Variants in URB1 observed in about 807,000 individuals in gnomAD.
URB1 encodes URB1 ribosome biogenesis factor.
In URB1, 197 loss-of-function variants were observed where a neutral mutation model predicts 242.3. That is an observed-to-expected ratio of 0.81 (90% CI 0.72 to 0.91). The LOEUF (loss-of-function observed/expected upper bound fraction) is 0.91, where lower values mean the gene tolerates loss of function less well. Among genes scored for constraint, URB1 ranks in the 40% least tolerant of loss-of-function variants. The pLI is 0.00. For synonymous variants in URB1, 1,153 were observed against 1,201.8 expected (o/e 0.96, Z 0.84); for missense variants, 2,721 against 2,860.5 (o/e 0.95, Z 1.11).
At chr21:32,386,629 G>A (rs190006675) in intron 1 of URB1, among the ~76,000 whole-genome samples, 2 of 152,142 alleles carry the variant, frequency 1.3e-5, no homozygotes, top group African/African-American at 2.4e-5. Flanking sequence ...GCAATGACTC[G>A]TCTGGATCCC....
intron 10 of URB1, among the ~76,000 whole-genome samples, chr21:32,365,467 T>A (rs570413892): frequency 3.2e-3 from 491 of 151,390 alleles, no homozygotes; most frequent in Non-Finnish European, 5.9e-3. Context: ...GAAAAAAAAA[T>A]TTTAATAAAA....
chr21:32,340,951 G>A (rs755627654), intron 25 of URB1, among the ~76,000 whole-genome samples: 1 of 151,908 alleles, frequency 6.6e-6, no homozygotes, highest in Non-Finnish European at 1.5e-5. Flanking sequence ...GTATCAGTAC[G>A]GGTAAATTAG....
At chr21:32,354,758 TGGCCTAG>T in intron 17 of URB1, 94 bp downstream of exon 17, 1 of 1,413,228 alleles carries the variant, frequency 7.1e-7, no homozygotes, top group Non-Finnish European at 9.4e-7. Context: ...TGTGTGCACT[TGGCCTAG>T]GGCATTAGTG....
chr21:32,389,739 C>A lies in URB1; in HGVS notation c.142+3030G>T, dbSNP rs117576968. Among the ~76,000 whole-genome samples the A allele has an allele frequency of 3.3e-3, 505 of 152,326 alleles. 2 individuals carry two copies. The highest frequency in any genetic ancestry group is 5.9e-3 in the Non-Finnish European group (403 of 68,030). ...AAGAGTTTAACCATTAGTGTACTCT[C>A]TTACAGTATGGCCTTTTCTCTATCA... On this transcript the variant is annotated intron_variant, in intron 1 of 38. Coordinates refer to ENST00000382751, the MANE Select transcript of URB1 (RefSeq NM_014825.3).
intron 27 of URB1, 31 bp downstream of exon 27, chr21:32,337,372 CT>C (rs773648119): frequency 2.5e-5 from 39 of 1,536,530 alleles, no homozygotes; most frequent in Non-Finnish European, 3.3e-5. Flanking sequence ...CTCCCTCCCC[CT>C]GCTCACACTA....
At position 32,327,852 on chromosome 21, in the gene URB1, G is replaced by A. The variant is rs75798049; in HGVS notation, c.4961-2463C>T. On this transcript the variant is annotated intron_variant, in intron 30 of 38. Coordinates refer to ENST00000382751, the MANE Select transcript of URB1 (RefSeq NM_014825.3). ...TGTACTATAAACCCTAAAGCAACCA[G>A]TAAAAATATGCATGCATGCACTCAT... Among the ~76,000 whole-genome samples the A allele has an allele frequency of 1.3e-3, 201 of 152,294 alleles. 1 individual carries two copies. In the East Asian group the frequency reaches 0.03, roughly 23 times the overall value.
At chr21:32,343,236 GTA>G (rs887846562) in intron 24 of URB1, among the ~76,000 whole-genome samples, 3 of 151,990 alleles carry the variant, frequency 2.0e-5, no homozygotes, top group African/African-American at 7.3e-5. Context: ...CTTGCAATGA[GTA>G]TGTCTTTTAG....
chr21:32,347,506 C>G lies in URB1; in HGVS notation c.3318G>C (p.Glu1106Asp), dbSNP rs758507870. 1 of 1,551,392 alleles carries G rather than the reference C, an allele frequency of 6.4e-7. No homozygotes were observed. The highest frequency in any genetic ancestry group is 2.0e-5 in the Admixed American group (1 of 50,966). Residue 1106 changes from glutamate (E) to aspartate (D), a missense_variant, in exon 22 of 39, where the codon GAG becomes GAC. Coordinates refer to ENST00000382751, the MANE Select transcript of URB1 (RefSeq NM_014825.3). The part of the protein sequence containing the change: ...TSPPKTPPQL[E>D]ALQELHPYME... Reference sequence around the variant, plus strand: ...TGTATGGATGCAGCTCCTGCAGGGCCTCCAGCTGCGGCGGGGTCTTTGGTG... The same window carrying G: ...TGTATGGATGCAGCTCCTGCAGGGCGTCCAGCTGCGGCGGGGTCTTTGGTG...
At position 32,314,984 on chromosome 21, in the gene URB1, C is replaced by T. The variant is rs894613595; in HGVS notation, c.6750G>A (p.Pro2250=). Residue 2250 remains proline (P), a synonymous_variant, in exon 39 of 39, where the codon CCG becomes CCA. Transcript: ENST00000382751. ...RMVCEAADDA[P]SSEEEAIVVL... is the part of the protein sequence containing the mutation. ...CCACGATGGCCTCCTCTTCACTGCT[C>T]GGGGCATCATCTGCGGCCTCACACA... 38 of 1,551,542 alleles carry T rather than the reference C, an allele frequency of 2.4e-5. No homozygotes were observed. The highest frequency in any genetic ancestry group is 2.8e-5 in the Non-Finnish European group (32 of 1,147,000).
rs1270689130 is a variant in URB1, at chr21:32,311,719, G to A, written c.*3199C>T. The stretch of plus-strand genomic sequence containing the variant: ...AAGCACCACCAAACATGCCCCTGGA[G>A]TCACGGCCTCAACCTCCACCTCTGC... On this transcript the variant is annotated 3_prime_UTR_variant, in exon 39 of 39. Transcript: ENST00000382751. 2 of 1,613,938 alleles carry A rather than the reference G, an allele frequency of 1.2e-6. No homozygotes were observed. The highest frequency in any genetic ancestry group is 2.2e-5 in the East Asian group (1 of 44,886).
chr21:32,317,838 G>GT lies in URB1; in HGVS notation c.5871dup (p.Gln1958ThrfsTer4). 6.4e-7 allele frequency: 1 copy of GT among 1,551,968 alleles called. No homozygotes were observed. The highest frequency in any genetic ancestry group is 1.2e-5 in the South Asian group (1 of 84,060). On this transcript the variant is annotated frameshift_variant, in exon 37 of 39. Transcript: ENST00000382751. LOFTEE classifies it high-confidence loss of function. ...AATCTGTTCATGTCCCTAAAGGCCT[G>GT]TATGACAGTGGCCCGGTACCTCAGC...
At chr21:32,327,519 A>G (rs956975343) in intron 30 of URB1, among the ~76,000 whole-genome samples, 1 of 152,196 alleles carries the variant, frequency 6.6e-6, no homozygotes, top group Non-Finnish European at 1.5e-5. Flanking sequence ...GACTTGAACA[A>G]TAAGAATTCT....
At position 32,320,482 on chromosome 21, in the gene URB1, T is replaced by G. The variant is rs1162386742; in HGVS notation, c.5594+49A>C. On this transcript the variant is annotated intron_variant, in intron 35 of 38. Transcript: ENST00000382751. ...CTGGCAGCAGACGTCATCGTTTCTG[T>G]TCCTTTCCTTCCCACCTGACGCGCA... 8.0e-6 allele frequency: 11 copies of G among 1,369,680 alleles called. No individual in the cohort carries two copies. The Admixed American group carries it at 1.7e-4, about 21-fold the overall frequency. 84.8% of individuals were successfully genotyped at this position (1,369,680 alleles called of 1,614,324 possible).
Position 32,349,522 on chromosome 21 carries a change from C to T in URB1, c.2833-39G>A, listed in dbSNP as rs780875000. ...AGCACGAGCCTCAGCAGGGAAGAGACGGGTTCACAGCTACCAGGCAGTGAC... is the reference window on the plus strand; with the variant it reads ...AGCACGAGCCTCAGCAGGGAAGAGATGGGTTCACAGCTACCAGGCAGTGAC... On this transcript the variant is annotated intron_variant, in intron 20 of 38. Coordinates refer to ENST00000382751, the MANE Select transcript of URB1 (RefSeq NM_014825.3). 32 of 1,501,778 alleles carry T rather than the reference C, an allele frequency of 2.1e-5. No homozygotes were observed. In the South Asian group the frequency reaches 3.1e-4, roughly 15 times the overall value. 93.0% of individuals were successfully genotyped at this position (1,501,778 alleles called of 1,614,324 possible).
At chr21:32,339,643 A>G (rs557699334) in intron 25 of URB1, among the ~76,000 whole-genome samples, 2 of 151,590 alleles carry the variant, frequency 1.3e-5, no homozygotes, top group East Asian at 3.9e-4. Context: ...GGCGCCCACC[A>G]CCACACCTGG....
In URB1 at chr21:32,354,100, A is replaced by T. The variant is rs753077894; in HGVS notation, c.2249T>A (p.Val750Asp). ...CACCAGGACATCCACCATGTCGAGA[A>T]CATCTGAGACAGAAAGAGGAGAATC... The part of the protein sequence containing the change: ...MSIPISHIDD[V>D]LDMVDVLVEG... Residue 750 changes from valine to aspartate, a missense_variant, in exon 18 of 39, where the codon GTT becomes GAT. Transcript: ENST00000382751. 1 of 1,551,674 alleles carries T rather than the reference A, an allele frequency of 6.4e-7. No homozygotes were observed. Among genetic ancestry groups the T allele is most frequent in the South Asian group, 1.2e-5 (1 of 84,040 alleles).
intron 8 of URB1, among the ~76,000 whole-genome samples, chr21:32,371,177 C>G (rs1468161996): frequency 6.6e-6 from 1 of 152,180 alleles, no homozygotes; most frequent in Admixed American, 6.5e-5. Flanking sequence ...TACTGGGGAA[C>G]AGGGAACGAT....
chr21:32,368,511 G>C lies in URB1; in HGVS notation c.1089C>G (p.Ile363Met), dbSNP rs2033371272. 1.3e-6 allele frequency: 2 copies of C among 1,551,776 alleles called. No homozygotes were observed. Among genetic ancestry groups the C allele is most frequent in the Non-Finnish European group, 1.7e-6 (2 of 1,147,024 alleles). The part of the protein sequence containing the change: ...DDLVADLVVN[I>M]LKVCPDLLNK... Reference sequence around the variant, plus strand: ...TCAGTAAGTCCGGGCACACTTTGAGGATGTTTACCACAAGGTCAGCCACCA... The same window carrying C: ...TCAGTAAGTCCGGGCACACTTTGAGCATGTTTACCACAAGGTCAGCCACCA... Residue 363 changes from isoleucine to methionine, a missense_variant, in exon 9 of 39, where the codon ATC (isoleucine) becomes ATG (methionine). Coordinates refer to ENST00000382751, the MANE Select transcript of URB1 (RefSeq NM_014825.3).
At chr21:32,317,164 T>C (rs1395392485) in intron 37 of URB1, 99 bp from the exon 38 acceptor site, 2 of 1,430,240 alleles carry the variant, frequency 1.4e-6, no homozygotes, top group African/African-American at 2.9e-5. Context: ...GAGGGGCGGC[T>C]TGCATGTCCT....
Sources: gnomAD v4.1 joint callset for allele counts (sites outside exome capture counted in the v4.1 genomes callset) on GRCh38, gnomAD v4.1.1 for gene constraint, MANE v1.5 for transcripts, NCBI Gene and HGNC (gene_info 2026-07-23, HGNC 2026-07-21) for gene names.